The following CACNG2 variants were observed in gnomAD, a reference collection of about 807,000 sequenced individuals.
CACNG2 encodes the protein calcium voltage-gated channel auxiliary subunit gamma 2, also known as voltage-dependent calcium channel gamma-2 subunit.
Under a neutral mutation model 25.9 loss-of-function variants are expected in CACNG2, and 3 were observed. The ratio of observed to expected loss-of-function variants is 0.12; its 90% CI spans 0.05 to 0.30. The LOEUF (loss-of-function observed/expected upper bound fraction) is 0.30. Among genes scored for constraint, CACNG2 ranks in the 10% least tolerant of loss-of-function variants. CACNG2 has a pLI of 1.00. For missense variants in CACNG2, 341 were observed against 432.5 expected (o/e 0.79, Z 1.88); for synonymous variants, 167 against 173.3 (o/e 0.96, Z 0.29).
chr22:36,683,629 G>T (rs929201501), intron 1 of CACNG2, among the ~76,000 whole-genome samples: 1 of 152,136 alleles, frequency 6.6e-6, no homozygotes, highest in African/African-American at 2.4e-5. Context: ...CTTCTTCCAA[G>T]AAAACACCTC....
chr22:36,671,804 C>T (rs1395040536), intron 1 of CACNG2, among the ~76,000 whole-genome samples: 1 of 152,190 alleles, frequency 6.6e-6, no homozygotes, highest in Non-Finnish European at 1.5e-5. Context: ...GCAGAGCTTT[C>T]ACCTCCTTTT....
intron 2 of CACNG2, among the ~76,000 whole-genome samples, chr22:36,582,907 C>T (rs1436322783): frequency 6.6e-6 from 1 of 152,010 alleles, no homozygotes; most frequent in Non-Finnish European, 1.5e-5. Flanking sequence ...GGGGCCCACT[C>T]CAGAAAGATC....
intron 1 of CACNG2, among the ~76,000 whole-genome samples, chr22:36,598,765 G>A (rs557341740): frequency 7.2e-5 from 11 of 152,132 alleles, no homozygotes; most frequent in African/African-American, 2.7e-4. Flanking sequence ...GGTCACTTGA[G>A]ATCAGGAGTT....
At chr22:36,682,787 A>T (rs1937142400) in intron 1 of CACNG2, among the ~76,000 whole-genome samples, 1 of 152,188 alleles carries the variant, frequency 6.6e-6, no homozygotes, top group Non-Finnish European at 1.5e-5. Context: ...ACTGATGCTC[A>T]ATCATACAGT....
Position 36,563,851 on chromosome 22 carries a change from A to G in CACNG2, c.*500T>C, listed in dbSNP as rs1244154002. The G allele has an allele frequency of 6.6e-6, 1 of 151,658 alleles. No individual in the cohort carries two copies. Among genetic ancestry groups the G allele is most frequent in the Non-Finnish European group, 1.5e-5 (1 of 67,934 alleles). 9.4% of individuals were successfully genotyped at this position (151,658 alleles called of 1,614,324 possible). The stretch of plus-strand genomic sequence containing the variant: ...AAGTAACTCTCCCCGAGTTAAAAAA[A>G]AAAAAAAAAAGTAACATAAACCCTG... On this transcript the variant is annotated 3_prime_UTR_variant, in exon 4 of 4. Transcript: ENST00000300105.
At position 36,564,447 on chromosome 22, in the gene CACNG2, C is replaced by T; in HGVS notation, c.876G>A (p.Arg292=). The T allele has an allele frequency of 2.5e-6, 4 of 1,614,044 alleles. No homozygotes were observed. The highest frequency in any genetic ancestry group is 3.4e-6 in the Non-Finnish European group (4 of 1,179,974). ...TGTGAACCTGGAGGAAGCTGTTATC[C>T]CTGTCGGAGTTGTAGGTGGCGGTGG... ...TTPTATYNSD[R]DNSFLQVHNC... Residue 292 remains arginine (R), a synonymous_variant, in exon 4 of 4, where the codon AGG becomes AGA. Coordinates refer to ENST00000300105, the MANE Select transcript of CACNG2 (RefSeq NM_006078.5). This position sits in a 1 kb window ranked among gnomAD's most constrained non-coding sequence, Gnocchi z 6.7.
intron 1 of CACNG2, among the ~76,000 whole-genome samples, chr22:36,655,789 C>T (rs1936695910): frequency 7.6e-6 from 1 of 131,844 alleles, no homozygotes. Flanking sequence ...TCCTTCCTTC[C>T]TTCCTTCTTT....
At position 36,561,895 on chromosome 22, in the gene CACNG2, G is replaced by T. The variant is rs1479926873; in HGVS notation, c.*2456C>A. 1.3e-5 allele frequency: 2 copies of T among 152,240 alleles called. No homozygotes were observed. The highest frequency in any genetic ancestry group is 2.9e-5 in the Non-Finnish European group (2 of 68,098). The allele number at this position is 152,240 out of a possible 1,614,324, so 9.4% of individuals were successfully genotyped here. ...TTGGTCCTTACACTGGGATGGAACT[G>T]CTAAAATTTTCCTCTCCATTCCCTC... On this transcript the variant is annotated 3_prime_UTR_variant, in exon 4 of 4. Coordinates refer to ENST00000300105, the MANE Select transcript of CACNG2 (RefSeq NM_006078.5).
intron 2 of CACNG2, among the ~76,000 whole-genome samples, chr22:36,573,076 G>A (rs1935258798): frequency 1.3e-5 from 2 of 152,230 alleles, no homozygotes; most frequent in African/African-American, 4.8e-5. Context: ...TATGTGACAG[G>A]CTAATGTCAC....
intron 1 of CACNG2, among the ~76,000 whole-genome samples, chr22:36,670,508 T>C (rs989513033): frequency 1.3e-5 from 2 of 152,186 alleles, no homozygotes; most frequent in African/African-American, 2.4e-5. Context: ...AATTGAGCTT[T>C]TGTGGTAGGC....
Position 36,574,278 on chromosome 22 carries a change from C to T in CACNG2, c.296-7785G>A, listed in dbSNP as rs148955254. On this transcript the variant is annotated intron_variant, in intron 2 of 3. Coordinates refer to ENST00000300105, the MANE Select transcript of CACNG2 (RefSeq NM_006078.5). ...GCAGCTGATCGGAGAGGAGTGATGC[C>T]GGTGCTTGGGCCAGGGTAGGTACAA... 1.1e-4 allele frequency among the ~76,000 whole-genome samples: 17 copies of T among 152,194 alleles called. No homozygotes were observed. In the East Asian group the frequency reaches 1.5e-3, roughly 14 times the overall value.
At chr22:36,633,866 A>G (rs1306587395) in intron 1 of CACNG2, among the ~76,000 whole-genome samples, 1 of 152,200 alleles carries the variant, frequency 6.6e-6, no homozygotes. Flanking sequence ...AATACATCTG[A>G]AAGTCGGTTT....
chr22:36,684,662 T>C (rs1309739522), intron 1 of CACNG2, among the ~76,000 whole-genome samples: 1 of 151,236 alleles, frequency 6.6e-6, no homozygotes, highest in Admixed American at 6.6e-5. Context: ...GTTTGATTAA[T>C]AACAGTCCTG....
At chr22:36,612,227 C>T (rs1018508486) in intron 1 of CACNG2, among the ~76,000 whole-genome samples, 1 of 152,176 alleles carries the variant, frequency 6.6e-6, no homozygotes, top group African/African-American at 2.4e-5. Flanking sequence ...TAGTGCCTTA[C>T]ATTCTTTATT....
At chr22:36,626,558 CTTCT>C (rs1177315926) in intron 1 of CACNG2, among the ~76,000 whole-genome samples, 1 of 152,158 alleles carries the variant, frequency 6.6e-6, no homozygotes, top group Admixed American at 6.5e-5. Context: ...GGTCTGTTCT[CTTCT>C]TTATCAGTGA....
chr22:36,579,600 A>G (rs1935380218), intron 2 of CACNG2, among the ~76,000 whole-genome samples: 1 of 151,970 alleles, frequency 6.6e-6, no homozygotes, highest in Admixed American at 6.6e-5. Flanking sequence ...ACATCAGACC[A>G]TGCCTGTCCC....
At chr22:36,666,961 C>T (rs1477787322) in intron 1 of CACNG2, among the ~76,000 whole-genome samples, 3 of 152,000 alleles carry the variant, frequency 2.0e-5, no homozygotes, top group Admixed American at 6.6e-5. Context: ...CCCGCCACCC[C>T]ACTTGACTCA....
chr22:36,652,119 G>A (rs1270427224), intron 1 of CACNG2, among the ~76,000 whole-genome samples: 2 of 152,176 alleles, frequency 1.3e-5, no homozygotes, highest in Non-Finnish European at 2.9e-5. Context: ...GCCTGCCTCG[G>A]CCTCCTAAAG....
chr22:36,698,321 T>C (rs1384718400), intron 1 of CACNG2, among the ~76,000 whole-genome samples: 2 of 152,158 alleles, frequency 1.3e-5, no homozygotes, highest in Non-Finnish European at 2.9e-5. Flanking sequence ...GTGTGCAAAG[T>C]ACCTAAAGAA....
Sources: gnomAD v4.1 joint callset for allele counts (sites outside exome capture counted in the v4.1 genomes callset) on GRCh38, gnomAD v4.1.1 for gene constraint, Gnocchi (gnomAD v3.1) non-coding constraint, MANE v1.5 for transcripts, NCBI Gene and HGNC (gene_info 2026-07-23, HGNC 2026-07-21) for gene names.